ENOX2: variants seen among roughly 807,000 people sequenced by gnomAD.
ENOX2 encodes the protein APK1 antigen.
In ENOX2, 36 loss-of-function variants were observed where a neutral mutation model predicts 45.0. The ratio of observed to expected loss-of-function variants is 0.80; its 90% CI spans 0.61 to 1.06. ENOX2 has a LOEUF of 1.06. Among genes scored for constraint, ENOX2 ranks in the 50% least tolerant of loss-of-function variants. The pLI is 0.00. For synonymous variants in ENOX2, 174 were observed against 152.3 expected (o/e 1.14, Z -1.05); for missense variants, 423 against 462.5 (o/e 0.91, Z 0.78).
intron 2 of ENOX2, among the ~76,000 whole-genome samples, chrX:130,868,818 T>C (rs2078528849): frequency 9.0e-6 from 1 of 111,467 alleles, no homozygotes; most frequent in Admixed American, 9.6e-5. Flanking sequence ...TAATTCATCT[T>C]TTCTCCCAAA....
At chrX:130,803,153 C>A (rs1017919600) in intron 2 of ENOX2, among the ~76,000 whole-genome samples, 4 of 111,843 alleles carry the variant, frequency 3.6e-5, no homozygotes, top group African/African-American at 1.3e-4. Context: ...TTTATAAAAT[C>A]ATAGAGGGTC....
chrX:130,649,737 G>T, intron 10 of ENOX2, among the ~76,000 whole-genome samples: 1 of 112,076 alleles, frequency 8.9e-6, no homozygotes. Context: ...TGGATTCCAA[G>T]CACTCCAAAT....
In ENOX2 at chrX:130,837,343, G is replaced by C. The variant is rs532688718; in HGVS notation, c.-182-53653C>G. Among the ~76,000 whole-genome samples the C allele has an allele frequency of 8.9e-5, 10 of 111,894 alleles. No individual in the cohort carries two copies. The South Asian group carries it at 3.7e-3, about 42-fold the overall frequency. On this transcript the variant is annotated intron_variant, in intron 2 of 14. Transcript: ENST00000394363. ...AACAGAAGTGAAGCCTTTCTACTAT[G>C]AGCTCTGAGTACCCAACTAAGTCCA...
At chrX:130,857,150 C>T (rs1399607788) in intron 2 of ENOX2, among the ~76,000 whole-genome samples, 3 of 111,899 alleles carry the variant, frequency 2.7e-5, no homozygotes, top group Admixed American at 9.5e-5. Flanking sequence ...CTACTGATAA[C>T]GCTCAACAAC....
chrX:130,883,380 G>C lies in ENOX2; in HGVS notation c.-183+18304C>G, dbSNP rs183057140. On this transcript the variant is annotated intron_variant, in intron 2 of 14. Transcript: ENST00000394363. ...CCCCCCTCGGCCTCCCAAAGTGCTG[G>C]GATTACAGGCGTGAGCCACTGTGCC... is the stretch of plus-strand genomic sequence containing the variant. Among the ~76,000 whole-genome samples the C allele has an allele frequency of 1.7e-3, 193 of 111,249 alleles. 1 individual carries two copies. The highest frequency in any genetic ancestry group is 9.2e-3 in the Middle Eastern group (2 of 218).
intron 5 of ENOX2, among the ~76,000 whole-genome samples, chrX:130,687,559 A>G (rs2037479678): frequency 8.9e-6 from 1 of 112,518 alleles, no homozygotes; most frequent in Admixed American, 9.3e-5. Context: ...CTTAGGCACT[A>G]AACACAAATC....
intron 12 of ENOX2, 27 bp downstream of exon 12, chrX:130,634,956 GA>G (rs35024849): frequency 9.6e-6 from 8 of 836,665 alleles, no homozygotes; most frequent in South Asian, 2.3e-5. Context: ...AAGGGGCAAG[GA>G]AAAAGGTTCA....
At chrX:130,706,471 A>C (rs2038039970) in intron 3 of ENOX2, among the ~76,000 whole-genome samples, 1 of 111,167 alleles carries the variant, frequency 9.0e-6, no homozygotes, top group African/African-American at 3.3e-5. Context: ...GATTGGGGTA[A>C]GAAGAGCATT....
At chrX:130,748,767 G>A (rs1259076330) in intron 3 of ENOX2, among the ~76,000 whole-genome samples, 1 of 111,767 alleles carries the variant, frequency 8.9e-6, no homozygotes, top group East Asian at 2.8e-4. Flanking sequence ...TAGGCTGAGT[G>A]ACTTTTTCTC....
intron 2 of ENOX2, among the ~76,000 whole-genome samples, chrX:130,877,354 C>T (rs896049041): frequency 8.9e-6 from 1 of 111,846 alleles, no homozygotes; most frequent in Non-Finnish European, 1.9e-5. Flanking sequence ...GAACAACATC[C>T]TACATTGTAC....
At chrX:130,756,278 G>A (rs1007927450) in intron 3 of ENOX2, among the ~76,000 whole-genome samples, 1 of 112,096 alleles carries the variant, frequency 8.9e-6, no homozygotes, top group South Asian at 3.7e-4. Flanking sequence ...TTTTAAAAGA[G>A]GATATTGTAC....
At chrX:130,704,690 A>G (rs2037991980) in intron 3 of ENOX2, among the ~76,000 whole-genome samples, 1 of 112,282 alleles carries the variant, frequency 8.9e-6, no homozygotes, top group African/African-American at 3.2e-5. Context: ...ATTGGTCAGA[A>G]CAAGCAAATG....
At position 130,853,308 on chromosome X, in the gene ENOX2, C is replaced by T. The variant is rs1364991047; in HGVS notation, c.-183+48376G>A. 2.8e-5 allele frequency among the ~76,000 whole-genome samples: 3 copies of T among 108,005 alleles called. No homozygotes were observed. The Admixed American group carries it at 2.9e-4, about 11-fold the overall frequency. The allele number at this position is 108,005 out of a possible 115,157, so 93.8% of individuals were successfully genotyped here. On this transcript the variant is annotated intron_variant, in intron 2 of 14. Transcript: ENST00000394363. ...TGAAACCCCGTCTCTACTAAAAATA[C>T]AAAAAGTTAGCCGGGCGTAGTGGCG...
chrX:130,655,737 G>A (rs1394796335), intron 10 of ENOX2, among the ~76,000 whole-genome samples: 2 of 111,385 alleles, frequency 1.8e-5, no homozygotes, highest in African/African-American at 3.3e-5. Context: ...CAGGTTCAAG[G>A]GATTCTTCTG....
intron 2 of ENOX2, among the ~76,000 whole-genome samples, chrX:130,804,893 C>T (rs1369096460): frequency 9.0e-6 from 1 of 111,450 alleles, no homozygotes; most frequent in Non-Finnish European, 1.9e-5. Context: ...TTCCCTGTTA[C>T]CCAAAATTCA....
chrX:130,832,773 T>C (rs1462012855), intron 2 of ENOX2, among the ~76,000 whole-genome samples: 1 of 110,590 alleles, frequency 9.0e-6, no homozygotes, highest in Admixed American at 9.7e-5. Context: ...CTCCTAGGCC[T>C]GTCTATAAAC....
intron 3 of ENOX2, among the ~76,000 whole-genome samples, chrX:130,726,111 T>C: frequency 8.9e-6 from 1 of 112,094 alleles, no homozygotes; most frequent in Middle Eastern, 4.7e-3. Flanking sequence ...ACAAAAGAAC[T>C]TGGAATACAC....
intron 6 of ENOX2, among the ~76,000 whole-genome samples, chrX:130,671,392 T>G (rs2036987356): frequency 9.0e-6 from 1 of 111,634 alleles, no homozygotes; most frequent in Admixed American, 9.5e-5. Flanking sequence ...TAAGAAAGTT[T>G]CCTAATAAGA....
chrX:130,667,530 A>T lies in ENOX2; in HGVS notation c.907T>A (p.Phe303Ile). 1 of 1,202,188 alleles carries T rather than the reference A, an allele frequency of 8.3e-7. No homozygotes were observed. Among genetic ancestry groups the T allele is most frequent in the South Asian group, 1.8e-5 (1 of 56,757 alleles). ...CAGCAGAACTCTAAGTTCCACTCAC[A>T]TTGAATGAGAATTCCAGAAAGGGCC... Reference protein sequence around the residue: ...KQALSGILIQFEQIVAVYHSA... With the variant: ...KQALSGILIQIEQIVAVYHSA... Residue 303 changes from phenylalanine to isoleucine, a missense_variant and splice_region_variant, in exon 8 of 15, where the codon TTT becomes ATT. Transcript: ENST00000394363.
Sources: gnomAD v4.1 joint callset for allele counts (sites outside exome capture counted in the v4.1 genomes callset) on GRCh38, gnomAD v4.1.1 for gene constraint, MANE v1.5 for transcripts, NCBI Gene and HGNC (gene_info 2026-07-23, HGNC 2026-07-21) for gene names.